PM20D1: variants seen among roughly 807,000 people sequenced by gnomAD.
PM20D1 encodes the protein N-fatty-acyl-amino acid synthase/hydrolase PM20D1.
In PM20D1, 53 loss-of-function variants were observed where a neutral mutation model predicts 53.8. That is an observed-to-expected ratio of 0.98 (90% CI 0.79 to 1.24). The LOEUF is 1.24. PM20D1 is among the 50% of genes most tolerant of loss of function. The probability of loss-of-function intolerance (pLI) is 0.00; values close to 1 mark genes in which losing one functional copy is unlikely to be tolerated. For synonymous variants in PM20D1, 239 were observed against 241.3 expected, an observed-to-expected ratio of 0.99 and a Z score of 0.09; for missense variants, 564 against 616.8, an observed-to-expected ratio of 0.91 and a Z score of 0.91.
chr1:205,849,989 C>G lies in PM20D1; in HGVS notation c.84G>C (p.Pro28=). 6.2e-7 allele frequency: 1 copy of G among 1,614,176 alleles called. No homozygotes were observed. Among genetic ancestry groups the G allele is most frequent in the East Asian group, 2.2e-5 (1 of 44,874 alleles). Residue 28 remains proline, a synonymous_variant, in exon 1 of 13, where the codon CCG becomes CCC. Coordinates refer to ENST00000367136, the MANE Select transcript of PM20D1 (RefSeq NM_152491.5). ...VFPTVSRSMG[P]RSGEHQRASR... ...ACGCCCTTTGATGCTCCCCGCTCCT[C>G]GGGCCCATCGATCTGGAGACGGTAG...
At chr1:205,844,726 T>C (rs1383190656) in intron 4 of PM20D1, 85 bp downstream of exon 4, 3 of 1,258,048 alleles carry the variant, frequency 2.4e-6, no homozygotes, top group Non-Finnish European at 3.4e-6. Context: ...ACCTTGCTGC[T>C]GTGGGCAAAC....
intron 3 of PM20D1, 110 bp downstream of exon 3, chr1:205,845,214 TG>T: frequency 1.8e-6 from 2 of 1,122,680 alleles, no homozygotes; most frequent in Non-Finnish European, 1.3e-6. Context: ...CCAGGTCTCC[TG>T]GAGCCAAGAT....
chr1:205,829,190 T>G lies in PM20D1; in HGVS notation c.1386-447A>C, dbSNP rs571673366. ...GACCCCAGGTGTGTGGCTAAGTTTT[T>G]TATTTTTAAATTTTTTTTTGAAGAG... On this transcript the variant is annotated intron_variant, in intron 12 of 12. Transcript: ENST00000367136. Among the ~76,000 whole-genome samples the G allele has an allele frequency of 2.6e-5, 4 of 152,252 alleles. No homozygotes were observed. In the South Asian group the frequency reaches 8.3e-4, roughly 32 times the overall value.
chr1:205,834,401 TCTGC>T (rs200051580), intron 10 of PM20D1, among the ~76,000 whole-genome samples: 1,706 of 152,200 alleles, frequency 0.011, 17 homozygotes, highest in South Asian at 0.043. Flanking sequence ...AGGTGATCTG[TCTGC>T]CTTGCCCTCC....
intron 5 of PM20D1, 48 bp downstream of exon 5, chr1:205,844,039 A>AT: frequency 6.4e-7 from 1 of 1,573,342 alleles, no homozygotes; most frequent in Non-Finnish European, 8.6e-7. Context: ...GTCATCTCAA[A>AT]TGGGGTGAGA....
intron 2 of PM20D1, 136 bp from the exon 3 acceptor site, chr1:205,845,693 A>G: frequency 1.4e-6 from 1 of 690,706 alleles, no homozygotes; most frequent in Non-Finnish European, 2.4e-6. Context: ...CTTCTAGGAC[A>G]AAGCTAGTCT....
chr1:205,839,131 A>G (rs182419889), intron 10 of PM20D1, among the ~76,000 whole-genome samples: 1 of 152,358 alleles, frequency 6.6e-6, no homozygotes, highest in African/African-American at 2.4e-5. Flanking sequence ...AGCATAGCAT[A>G]CAAGGCCTAG....
rs184340039 is a variant in PM20D1 at position 205,846,379 on chromosome 1, C to T, written c.257-822G>A. Among the ~76,000 whole-genome samples, 105 of 151,376 alleles carry T rather than the reference C, an allele frequency of 6.9e-4. 3 individuals carry two copies. The South Asian group carries it at 0.016, about 24-fold the overall frequency. On this transcript the variant is annotated intron_variant, in intron 2 of 12. Coordinates refer to ENST00000367136, the MANE Select transcript of PM20D1 (RefSeq NM_152491.5). ...CCAGCCTGGCTGACACAGCAAGACT[C>T]CAACTCAAAAAAAAAAGACTCACTA...
chr1:205,828,820 C>T, intron 12 of PM20D1, 77 bp from the exon 13 acceptor site: 21 of 1,552,798 alleles, frequency 1.4e-5, no homozygotes, highest in Non-Finnish European at 1.8e-5. Flanking sequence ...CAGAGCACTT[C>T]CCTTACTTCC....
chr1:205,836,688 A>C (rs1276507933), intron 10 of PM20D1, among the ~76,000 whole-genome samples: 1 of 152,002 alleles, frequency 6.6e-6, no homozygotes, highest in Admixed American at 6.6e-5. Context: ...TTATTTGTAG[A>C]GATAGGGTCT....
rs1656493866 is a variant in PM20D1 at position 205,828,677 on chromosome 1, C to G, written c.1452G>C (p.Glu484Asp). ...GGTCTGTGTCAGCATTCTGAATCAA[C>G]TCAAAGATGAATTTCACTTGGGTCT... ...AYETQVKFIF[E>D]LIQNADTDQE... Residue 484 changes from glutamate to aspartate, a missense_variant, in exon 13 of 13, where the codon GAG becomes GAC. Glu to Asp is a conservative substitution (Grantham distance 45). Transcript: ENST00000367136. 1.2e-6 allele frequency: 2 copies of G among 1,614,078 alleles called. No homozygotes were observed. Among genetic ancestry groups the G allele is most frequent in the Non-Finnish European group, 1.7e-6 (2 of 1,180,040 alleles).
intron 12 of PM20D1, among the ~76,000 whole-genome samples, chr1:205,829,216 A>T (rs1218655297): frequency 2.6e-5 from 4 of 151,966 alleles, no homozygotes; most frequent in African/African-American, 9.7e-5. Flanking sequence ...TTTTGAAGAG[A>T]TGGAGTCTCA....
intron 10 of PM20D1, among the ~76,000 whole-genome samples, chr1:205,833,158 T>C (rs28435338): frequency 6.6e-6 from 1 of 152,232 alleles, no homozygotes; most frequent in African/African-American, 2.4e-5. Context: ...CTATAGCTAT[T>C]CTTACGAAAA....
At chr1:205,845,792 C>T (rs983618616) in intron 2 of PM20D1, among the ~76,000 whole-genome samples, 2 of 152,132 alleles carry the variant, frequency 1.3e-5, no homozygotes, top group Admixed American at 1.3e-4. Flanking sequence ...AATCAAGAGC[C>T]ACCATTAAGG....
In PM20D1 at chr1:205,842,303, C is replaced by T. The variant is rs575716221; in HGVS notation, c.904-88G>A. 22 of 1,197,006 alleles carry T rather than the reference C, an allele frequency of 1.8e-5. No individual in the cohort carries two copies. The Admixed American group carries it at 3.7e-4, about 20-fold the overall frequency. The allele number at this position is 1,197,006 out of a possible 1,614,324, so 74.1% of individuals were successfully genotyped here. A position where few individuals can be genotyped will look rare whatever the true frequency, so the allele number is the denominator to read the frequency against. ...TGAGTCTCTCTCTACTTTAGAGCTG[C>T]CTCAGGGGCCCTTAGCAGTCAGGAG... On this transcript the variant is annotated intron_variant, in intron 7 of 12. Transcript: ENST00000367136.
At chr1:205,841,714 C>A (rs1656812311) in intron 9 of PM20D1, 97 bp downstream of exon 9, 1 of 1,250,842 alleles carries the variant, frequency 8.0e-7, no homozygotes, top group Non-Finnish European at 1.1e-6. Flanking sequence ...CCAGCTGACA[C>A]ACACAGAAGG....
At chr1:205,846,520 C>T (rs1444420945) in intron 2 of PM20D1, among the ~76,000 whole-genome samples, 6 of 152,010 alleles carry the variant, frequency 3.9e-5, no homozygotes, top group Admixed American at 6.5e-5. Context: ...CATAGGAGGC[C>T]GCATTAACCA....
At chr1:205,837,829 G>C (rs1656715817) in intron 10 of PM20D1, among the ~76,000 whole-genome samples, 1 of 152,152 alleles carries the variant, frequency 6.6e-6, no homozygotes, top group East Asian at 1.9e-4. Context: ...ACAGCCCTTG[G>C]AAAGGGCATG....
At chr1:205,849,648 C>T (rs1439740274) in intron 1 of PM20D1, among the ~76,000 whole-genome samples, 1 of 151,996 alleles carries the variant, frequency 6.6e-6, no homozygotes, top group Non-Finnish European at 1.5e-5. Context: ...GGTGGTCACG[C>T]CAAGAGGGGT....
Sources: gnomAD v4.1 joint callset for allele counts (sites outside exome capture counted in the v4.1 genomes callset) on GRCh38, gnomAD v4.1.1 for gene constraint, MANE v1.5 for transcripts, NCBI Gene and HGNC (gene_info 2026-07-23, HGNC 2026-07-21) for gene names.